VPS37A: variants seen among roughly 807,000 people sequenced by gnomAD.
VPS37A encodes the protein VPS37A subunit of ESCRT-I, also known as vacuolar protein sorting-associated protein 37A.
VPS37A carries 30 observed loss-of-function variants against 49.8 expected under a neutral mutation model. The ratio of observed to expected loss-of-function variants is 0.60; its 90% CI spans 0.45 to 0.82. The LOEUF (loss-of-function observed/expected upper bound fraction) is 0.82. VPS37A is among the 40% of genes least tolerant of loss of function. VPS37A has a pLI of 0.00. For synonymous variants in VPS37A, 195 were observed against 160.6 expected, an observed-to-expected ratio of 1.21 and a Z score of -1.62; for missense variants, 593 against 464.4, an observed-to-expected ratio of 1.28 and a Z score of -2.55.
At chr8:17,269,304 C>T (rs1386467004) in intron 4 of VPS37A, among the ~76,000 whole-genome samples, 1 of 152,068 alleles carries the variant, frequency 6.6e-6, no homozygotes, top group Admixed American at 6.5e-5. Context: ...TAATATTATT[C>T]CATATTTGGT....
At chr8:17,299,944 G>A, downstream of VPS37A, 2 of 1,614,136 alleles carry the variant, frequency 1.2e-6, no homozygotes, top group Non-Finnish European at 1.7e-6. Flanking sequence ...ACCACTTGGA[G>A]ACCGACAGCT....
chr8:17,313,369 A>T, the VPS37A span: 3 of 1,612,728 alleles, frequency 1.9e-6, no homozygotes, highest in Non-Finnish European at 2.5e-6. Context: ...CCCCACAGGA[A>T]ATCACTCATG....
At chr8:17,289,827 A>G (rs1013841380) in intron 11 of VPS37A, among the ~76,000 whole-genome samples, 6 of 152,176 alleles carry the variant, frequency 3.9e-5, no homozygotes, top group Non-Finnish European at 7.3e-5. Context: ...GATTCTTTCT[A>G]TCCATGAGCA....
At chr8:17,248,465 G>A (rs1433744211) in intron 1 of VPS37A, 2 of 440,618 alleles carry the variant, frequency 4.5e-6, no homozygotes, top group African/African-American at 2.0e-5. Context: ...TAGTAGAGAC[G>A]GGGTTTCACC....
At chr8:17,265,061 A>G (rs894420448) in intron 1 of VPS37A, among the ~76,000 whole-genome samples, 1 of 152,174 alleles carries the variant, frequency 6.6e-6, no homozygotes, top group Non-Finnish European at 1.5e-5. Flanking sequence ...CATAAAGCAA[A>G]TTCAGAGTTT....
intron 4 of VPS37A, among the ~76,000 whole-genome samples, chr8:17,269,175 C>G (rs79992850): frequency 2.6e-5 from 4 of 152,078 alleles, no homozygotes; most frequent in Non-Finnish European, 4.4e-5. Flanking sequence ...TTCTATCACT[C>G]GATTCTTTCA....
chr8:17,249,300 T>C (rs1051377261), intron 1 of VPS37A, among the ~76,000 whole-genome samples: 3 of 152,184 alleles, frequency 2.0e-5, no homozygotes, highest in Non-Finnish European at 4.4e-5. Context: ...AGTTCTGGAA[T>C]TGGCTTAAGA....
chr8:17,297,887 C>A lies in VPS37A; in HGVS notation c.*2901C>A, dbSNP rs948759299. The A allele has an allele frequency of 4.6e-5, 7 of 151,948 alleles. No individual in the cohort carries two copies. The highest frequency in any genetic ancestry group is 1.2e-4 in the African/African-American group (5 of 41,416). The allele number at this position is 151,948 out of a possible 1,614,324, so 9.4% of individuals were successfully genotyped here. A position where few individuals can be genotyped will look rare whatever the true frequency, so the allele number is the denominator to read the frequency against. On this transcript the variant is annotated 3_prime_UTR_variant, in exon 12 of 12. Transcript: ENST00000324849. ...GAACATGTTACATAAATTATAATGT[C>A]TGTCTTGTAAAAAAGTTGAGGGGAC... is the stretch of plus-strand genomic sequence containing the variant.
At chr8:17,321,855 C>T in the VPS37A span, among the ~76,000 whole-genome samples, 2 of 152,076 alleles carry the variant, frequency 1.3e-5, no homozygotes, top group South Asian at 2.1e-4. Flanking sequence ...ATATAAACTA[C>T]AGTAAAAAAA....
At chr8:17,257,413 T>C (rs1352197288) in intron 1 of VPS37A, among the ~76,000 whole-genome samples, 1 of 152,044 alleles carries the variant, frequency 6.6e-6, no homozygotes, top group African/African-American at 2.4e-5. Flanking sequence ...GTCTTGTGAG[T>C]CCATATAAAT....
chr8:17,275,378 A>G (rs1814423883), intron 5 of VPS37A, among the ~76,000 whole-genome samples: 1 of 152,238 alleles, frequency 6.6e-6, no homozygotes, highest in South Asian at 2.1e-4. Context: ...TTGAAAGATC[A>G]TTATTAATTT....
intron 11 of VPS37A, among the ~76,000 whole-genome samples, chr8:17,291,432 T>G (rs1275012728): frequency 1.1e-5 from 1 of 88,870 alleles, no homozygotes; most frequent in African/African-American, 4.1e-5. Context: ...ATTCATTGAT[T>G]TTTTTTTTTT....
At chr8:17,311,379 C>A in the VPS37A span, 1 of 1,202,628 alleles carries the variant, frequency 8.3e-7, no homozygotes, top group Non-Finnish European at 1.2e-6. Context: ...ATCTCTTCCC[C>A]TTTAATCTTG....
At chr8:17,267,877 C>T (rs1813615898) in intron 2 of VPS37A, among the ~76,000 whole-genome samples, 1 of 152,050 alleles carries the variant, frequency 6.6e-6, no homozygotes, top group African/African-American at 2.4e-5. Flanking sequence ...ATGGCTAGAA[C>T]CTGTGGTCCA....
chr8:17,304,238 A>T, downstream of VPS37A: 1 of 862,392 alleles, frequency 1.2e-6, no homozygotes, highest in Non-Finnish European at 1.6e-6. Context: ...CAGATCAGAT[A>T]TTCAAGCATC....
intron 1 of VPS37A, among the ~76,000 whole-genome samples, chr8:17,254,322 G>T (rs1812236797): frequency 6.6e-6 from 1 of 152,156 alleles, no homozygotes; most frequent in Admixed American, 6.5e-5. Flanking sequence ...GTAACTTCCT[G>T]AGGAGTCTCC....
At chr8:17,309,649 T>C in the VPS37A span, among the ~76,000 whole-genome samples, 2 of 152,176 alleles carry the variant, frequency 1.3e-5, no homozygotes, top group African/African-American at 2.4e-5. Context: ...TCTCACTCTT[T>C]TAGAAGGGGA....
intron 6 of VPS37A, among the ~76,000 whole-genome samples, chr8:17,278,874 CTTCT>C (rs1814768357): frequency 6.6e-6 from 1 of 151,722 alleles, no homozygotes; most frequent in South Asian, 2.1e-4. Context: ...TTTTTCTTTT[CTTCT>C]TTATTTTTAA....
At chr8:17,260,631 T>C (rs78102609) in intron 1 of VPS37A, among the ~76,000 whole-genome samples, 12,044 of 152,252 alleles carry the variant, frequency 0.079, 822 homozygotes, top group African/African-American at 0.19. Context: ...GCATTTCTTA[T>C]AAGATGGGTC....
Sources: allele counts gnomAD v4.1 joint callset (sites outside exome capture counted in the v4.1 genomes callset), GRCh38; gene constraint gnomAD v4.1.1; transcripts MANE v1.5; gene names NCBI Gene and HGNC (gene_info 2026-07-23, HGNC 2026-07-21).